KDM5C: variants seen among roughly 807,000 people sequenced by gnomAD.
KDM5C encodes the protein lysine demethylase 5C.
In KDM5C, 16 loss-of-function variants were observed where a neutral mutation model predicts 110.6. That is an observed-to-expected ratio of 0.14 (90% CI 0.10 to 0.22). The LOEUF is 0.22. KDM5C is among the 10% of genes least tolerant of loss of function. KDM5C has a pLI of 1.00. For synonymous variants in KDM5C, 511 were observed against 520.4 expected (o/e 0.98, Z 0.24); for missense variants, 681 against 1,300.9 (o/e 0.52, Z 7.33).
intron 2 of KDM5C, 143 bp downstream of exon 2, chrX:53,220,696 C>T (rs2073870925): frequency 1.5e-5 from 8 of 546,405 alleles, no homozygotes; most frequent in Admixed American, 1.1e-4. Flanking sequence ...GCCCTGGGCA[C>T]ACTAAAGTAA....
intron 24 of KDM5C, 48 bp downstream of exon 24, chrX:53,193,725 T>A (rs1556833178): frequency 8.5e-7 from 1 of 1,180,062 alleles, no homozygotes; most frequent in Admixed American, 2.2e-5. Context: ...CATGGGTCAC[T>A]ATGGTGATGT....
chrX:53,183,809 G>A (rs376545904), intron 25 of KDM5C, among the ~76,000 whole-genome samples: 5 of 111,098 alleles, frequency 4.5e-5, no homozygotes, highest in South Asian at 7.6e-4. Flanking sequence ...TCCTGACCTC[G>A]TGATCTGCCC....
chrX:53,197,807 GTTGTTCATC>G lies in KDM5C; in HGVS notation c.2577_2585del (p.Gln859_Asn862delinsHis). 1 of 1,206,114 alleles carries G rather than the reference GTTGTTCATC, an allele frequency of 8.3e-7. No individual in the cohort carries two copies. Among genetic ancestry groups the G allele is most frequent in the Non-Finnish European group, 1.1e-6 (1 of 892,571 alleles). Reference sequence around the variant, plus strand: ...CAATCTGGTGCATGGCGCAAGGCAGGTTGTTCATCTGGTCCAGAAAGGCCCGGAGCTCAG... The same window carrying G: ...CAATCTGGTGCATGGCGCAAGGCAGGTGGTCCAGAAAGGCCCGGAGCTCAG... On this transcript the variant is annotated inframe_deletion, in exon 18 of 26. Coordinates refer to ENST00000375401, the MANE Select transcript of KDM5C (RefSeq NM_004187.5).
intron 1 of KDM5C, among the ~76,000 whole-genome samples, chrX:53,222,809 C>T (rs782438598): frequency 7.2e-5 from 8 of 111,639 alleles, no homozygotes; most frequent in South Asian, 3.8e-4. Flanking sequence ...CCAAGCGTAG[C>T]AGTCACCTGC....
intron 5 of KDM5C, among the ~76,000 whole-genome samples, 168 bp downstream of exon 5, chrX:53,216,975 G>A: frequency 8.9e-6 from 1 of 112,124 alleles, no homozygotes; most frequent in East Asian, 2.8e-4. Flanking sequence ...GCTCAGCTGA[G>A]AGGGGAGAAA....
intron 12 of KDM5C, among the ~76,000 whole-genome samples, chrX:53,203,097 C>T (rs188572695): frequency 1.3e-4 from 14 of 111,595 alleles, no homozygotes; most frequent in East Asian, 5.6e-4. Flanking sequence ...TGAGCCACCG[C>T]GCCCGGCAAA....
At chrX:53,217,314 C>G (rs782612916) in intron 4 of KDM5C, 37 bp from the exon 5 acceptor site, 1 of 1,206,529 alleles carries the variant, frequency 8.3e-7, no homozygotes, top group Admixed American at 2.2e-5. Context: ...AGGACATGGA[C>G]TCCAGCCCGC....
downstream of KDM5C, among the ~76,000 whole-genome samples, chrX:53,190,327 C>T (rs140770042): frequency 3.6e-5 from 4 of 112,473 alleles, no homozygotes; most frequent in East Asian, 1.1e-3. Flanking sequence ...GGGACACAGA[C>T]GTGCCAACAT....
intron 12 of KDM5C, among the ~76,000 whole-genome samples, chrX:53,206,679 C>T (rs2073340167): frequency 9.2e-6 from 1 of 108,447 alleles, no homozygotes; most frequent in Admixed American, 1.0e-4. Flanking sequence ...GCCTGGCCAA[C>T]ATGGTACAAC....
chrX:53,204,866 T>C (rs2073275087), intron 12 of KDM5C, among the ~76,000 whole-genome samples: 1 of 112,063 alleles, frequency 8.9e-6, no homozygotes, highest in Non-Finnish European at 1.9e-5. Context: ...CTAGAATGCC[T>C]GGTGCCACTG....
intron 5 of KDM5C, 64 bp from the exon 6 acceptor site, chrX:53,216,261 A>T: frequency 8.4e-7 from 1 of 1,184,424 alleles, no homozygotes; most frequent in Non-Finnish European, 1.1e-6. Flanking sequence ...ATCCTAAAAG[A>T]ACAGTAACTC....
At chrX:53,180,494 G>T (rs1192491449) in intron 25 of KDM5C, among the ~76,000 whole-genome samples, 1 of 110,630 alleles carries the variant, frequency 9.0e-6, no homozygotes, top group Non-Finnish European at 1.9e-5. Flanking sequence ...TGTTGATAGT[G>T]GGGGAAGCTG....
rs1428740468 is a variant in KDM5C at position 53,215,898 on chromosome X, G to A, written c.860C>T (p.Ser287Leu). 6 of 1,209,579 alleles carry A rather than the reference G, an allele frequency of 5.0e-6. No individual in the cohort carries two copies. In the Admixed American group the frequency reaches 6.5e-5, roughly 13 times the overall value. Residue 287 changes from serine to leucine, a missense_variant, in exon 7 of 26, where the codon TCG becomes TTG. Around this residue, in one of 14 missense-constraint regions of KDM5C, gnomAD observed 71 missense variants for 115.0 expected, o/e 0.62. Coordinates refer to ENST00000375401, the MANE Select transcript of KDM5C (RefSeq NM_004187.5). Reference protein sequence around the residue: ...LGGDVKVESTSPKTFLESKEE... With the variant: ...LGGDVKVESTLPKTFLESKEE... ...CTTGCTCTCCAGGAAGGTCTTAGGCGATGTTGACTCCACCTTCACATCCCC... is the reference window on the plus strand; with the variant it reads ...CTTGCTCTCCAGGAAGGTCTTAGGCAATGTTGACTCCACCTTCACATCCCC...
In KDM5C at chrX:53,197,832, C is replaced by T. The variant is rs782479257; in HGVS notation, c.2561G>A (p.Arg854Gln). Residue 854 changes from arginine to glutamine, a missense_variant, in exon 18 of 26, where the codon CGG becomes CAG. Physicochemically the swap from Arg to Gln is conservative, Grantham distance 43. This residue lies in a region of KDM5C where 123 missense variants were observed against 169.0 expected (regional missense o/e 0.73). Transcript: ENST00000375401. ...AGLQMTLTEL[R>Q]AFLDQMNNLP... ...GTTGTTCATCTGGTCCAGAAAGGCC[C>T]GGAGCTCAGTCAGGGTCATCTGTAG... 1.7e-6 allele frequency: 2 copies of T among 1,202,869 alleles called. No homozygotes were observed. Among genetic ancestry groups the T allele is most frequent in the Non-Finnish European group, 2.2e-6 (2 of 891,066 alleles).
downstream of KDM5C, among the ~76,000 whole-genome samples, chrX:53,189,628 G>A (rs991390603): frequency 2.7e-5 from 3 of 112,450 alleles, no homozygotes; most frequent in Non-Finnish European, 5.6e-5. Flanking sequence ...GACCCCAGGC[G>A]CCACTCCCAA....
intron 4 of KDM5C, 118 bp downstream of exon 4, chrX:53,217,678 G>A (rs1556852683): frequency 1.3e-6 from 1 of 765,497 alleles, no homozygotes. Context: ...GCATCACTAG[G>A]AAAGAGCAGA....
At chrX:53,184,154 G>C (rs1429361560) in intron 25 of KDM5C, among the ~76,000 whole-genome samples, 1 of 112,220 alleles carries the variant, frequency 8.9e-6, no homozygotes, top group Non-Finnish European at 1.9e-5. Flanking sequence ...ATTTTGGATT[G>C]CTCATTGCTA....
downstream of KDM5C, among the ~76,000 whole-genome samples, chrX:53,189,653 T>C (rs1217292095): frequency 4.4e-5 from 5 of 112,559 alleles, no homozygotes; most frequent in Non-Finnish European, 9.4e-5. Flanking sequence ...TGGTATCCTG[T>C]ACCACTGGAC....
downstream of KDM5C, among the ~76,000 whole-genome samples, chrX:53,190,643 G>A (rs1200940189): frequency 9.0e-6 from 1 of 111,537 alleles, no homozygotes; most frequent in Non-Finnish European, 1.9e-5. Context: ...GGGTCAAGCT[G>A]GACCCGGCAG....
Sources: gnomAD v4.1 joint callset for allele counts (sites outside exome capture counted in the v4.1 genomes callset) on GRCh38, gnomAD v4.1.1 for gene constraint, gnomAD v4.1.1 regional missense constraint, MANE v1.5 for transcripts, NCBI Gene and HGNC (gene_info 2026-07-23, HGNC 2026-07-21) for gene names.